The following PTPN2 variants were observed in gnomAD, a reference collection of about 807,000 sequenced individuals.
The protein encoded by PTPN2 is tyrosine-protein phosphatase non-receptor type 2.
In PTPN2, 19 loss-of-function variants were observed where a neutral mutation model predicts 57.3. The ratio of observed to expected loss-of-function variants is 0.33; its 90% CI spans 0.23 to 0.49. The LOEUF (loss-of-function observed/expected upper bound fraction) is 0.49. Among genes scored for constraint, PTPN2 ranks in the 20% least tolerant of loss-of-function variants. PTPN2 has a pLI of 0.99. For missense variants in PTPN2, 358 were observed against 501.1 expected (o/e 0.71, Z 2.73); for synonymous variants, 153 against 164.9 (o/e 0.93, Z 0.55).
At chr18:12,818,498 A>T (rs188702961) in intron 5 of PTPN2, among the ~76,000 whole-genome samples, 2 of 152,194 alleles carry the variant, frequency 1.3e-5, no homozygotes, top group African/African-American at 4.8e-5. Context: ...ATTCCTGATG[A>T]TCTGTATTTC....
rs114360919 is a variant in PTPN2, at chr18:12,808,114, C to T, written c.859-5963G>A. 3.6e-3 allele frequency among the ~76,000 whole-genome samples: 542 copies of T among 152,008 alleles called. 2 individuals carry two copies. The highest frequency in any genetic ancestry group is 0.012 in the African/African-American group (507 of 41,462). The stretch of plus-strand genomic sequence containing the variant: ...AGGAGGATCACTTGAGCCCAGGAGG[C>T]GGAGGCTACAGTGAGCGAGCCATGA... On this transcript the variant is annotated intron_variant, in intron 7 of 8. Coordinates refer to ENST00000309660, the MANE Select transcript of PTPN2 (RefSeq NM_002828.4).
intron 4 of PTPN2, among the ~76,000 whole-genome samples, chr18:12,826,434 A>G (rs918829727): frequency 6.6e-6 from 1 of 152,152 alleles, no homozygotes; most frequent in South Asian, 2.1e-4. Flanking sequence ...TTGAAATTTT[A>G]TAAAGCATTT....
In PTPN2 at chr18:12,819,311, C is replaced by A. The variant is rs562049685; in HGVS notation, c.496-1946G>T. 386 of 1,073,468 alleles carry A rather than the reference C, an allele frequency of 3.6e-4. No homozygotes were observed. In the African/African-American group the frequency reaches 5.7e-3, roughly 16 times the overall value. 66.5% of individuals were successfully genotyped at this position (1,073,468 alleles called of 1,614,324 possible). A position where few individuals can be genotyped will look rare whatever the true frequency, so the allele number is the denominator to read the frequency against. On this transcript the variant is annotated intron_variant, in intron 5 of 8. Transcript: ENST00000309660. Reference sequence around the variant, plus strand: ...AAAGCAATAAAAAATTTCTCCATTACAAATTAAAATGATCATGGTTTCTAC... The same window carrying A: ...AAAGCAATAAAAAATTTCTCCATTAAAAATTAAAATGATCATGGTTTCTAC...
intron 1 of PTPN2, among the ~76,000 whole-genome samples, chr18:12,869,833 A>G (rs886931530): frequency 6.6e-6 from 1 of 152,168 alleles, no homozygotes; most frequent in Non-Finnish European, 1.5e-5. Flanking sequence ...TATATGATGA[A>G]AAGTGTTCCC....
intron 2 of PTPN2, among the ~76,000 whole-genome samples, chr18:12,848,988 G>A (rs1241185243): frequency 6.6e-6 from 1 of 152,188 alleles, no homozygotes; most frequent in East Asian, 1.9e-4. Context: ...CTAGGACCTA[G>A]AGTATAAGGT....
chr18:12,840,556 G>A (rs763141192), intron 2 of PTPN2, among the ~76,000 whole-genome samples: 33 of 152,150 alleles, frequency 2.2e-4, no homozygotes, highest in Admixed American at 1.5e-3. Context: ...TGTGACACTC[G>A]TCACTGGGTC....
At chr18:12,870,342 C>CGT (rs1373916168) in intron 1 of PTPN2, among the ~76,000 whole-genome samples, 2,196 of 32,626 alleles carry the variant, frequency 0.067, 159 homozygotes, top group East Asian at 0.2. Context: ...TATATATATA[C>CGT]ATATATATGT....
chr18:12,883,288 G>A (rs1395320959), intron 1 of PTPN2, among the ~76,000 whole-genome samples: 1 of 152,208 alleles, frequency 6.6e-6, no homozygotes, highest in African/African-American at 2.4e-5. Flanking sequence ...AGAATGACAC[G>A]CTATCACTGG....
chr18:12,785,907 A>G, intron 9 of PTPN2: 1 of 1,351,810 alleles, frequency 7.4e-7, no homozygotes, highest in South Asian at 1.2e-5. Context: ...AGACGAACAT[A>G]GATGCACACA....
intron 3 of PTPN2, among the ~76,000 whole-genome samples, chr18:12,834,047 C>T (rs2042763195): frequency 6.6e-6 from 1 of 152,144 alleles, no homozygotes; most frequent in South Asian, 2.1e-4. Flanking sequence ...TACTAGGAGG[C>T]TGGGCACGGT....
intron 2 of PTPN2, among the ~76,000 whole-genome samples, chr18:12,853,701 G>A (rs189785393): frequency 1.3e-5 from 2 of 152,174 alleles, no homozygotes; most frequent in Admixed American, 1.3e-4. Context: ...AAGCCACTGA[G>A]GTATTAAAAA....
downstream of PTPN2, among the ~76,000 whole-genome samples, chr18:12,791,545 A>G (rs372661612): frequency 7.2e-5 from 11 of 152,296 alleles, no homozygotes; most frequent in East Asian, 1.7e-3. Flanking sequence ...ACCTCATTCA[A>G]TAAAAAGTCA....
At chr18:12,807,233 A>G (rs1304448596) in intron 7 of PTPN2, among the ~76,000 whole-genome samples, 1 of 152,130 alleles carries the variant, frequency 6.6e-6, no homozygotes, top group Non-Finnish European at 1.5e-5. Context: ...CCACACTGAG[A>G]TATCACCACA....
At chr18:12,844,110 G>A (rs2043138423) in intron 2 of PTPN2, 1 of 152,222 alleles carries the variant, frequency 6.6e-6, no homozygotes. Context: ...ATGTTGTTAC[G>A]TCAAGTTTCT....
Position 12,884,215 on chromosome 18 carries a change from A to G in PTPN2, c.-74T>C, listed in dbSNP as rs1043716519. On this transcript the variant is annotated 5_prime_UTR_variant, in exon 1 of 9. Coordinates refer to ENST00000309660, the MANE Select transcript of PTPN2 (RefSeq NM_002828.4). Reference sequence around the variant, plus strand: ...CTCAGGCCCCGCACGATCCGGGGAGAGCGCTGGCGCTGCGGCGCATGCGCG... The same window carrying G: ...CTCAGGCCCCGCACGATCCGGGGAGGGCGCTGGCGCTGCGGCGCATGCGCG... 4.1e-6 allele frequency: 5 copies of G among 1,232,772 alleles called. No individual in the cohort carries two copies. Among genetic ancestry groups the G allele is most frequent in the East Asian group, 3.1e-5 (1 of 32,614 alleles). 76.4% of individuals were successfully genotyped at this position (1,232,772 alleles called of 1,614,324 possible). A position where few individuals can be genotyped will look rare whatever the true frequency, so the allele number is the denominator to read the frequency against.
At chr18:12,815,383 C>G (rs572366020) in intron 6 of PTPN2, among the ~76,000 whole-genome samples, 109 of 151,542 alleles carry the variant, frequency 7.2e-4, no homozygotes, top group African/African-American at 2.6e-3. Context: ...CTGCACTCCA[C>G]CCTGGCAACA....
chr18:12,815,085 A>T (rs943350145), intron 6 of PTPN2, among the ~76,000 whole-genome samples: 14 of 137,124 alleles, frequency 1.0e-4, no homozygotes, highest in African/African-American at 3.1e-4. Context: ...CTCCATCTCA[A>T]AAATAAATAA....
intron 1 of PTPN2, among the ~76,000 whole-genome samples, chr18:12,876,811 C>T (rs1233686897): frequency 6.6e-6 from 1 of 152,226 alleles, no homozygotes; most frequent in Non-Finnish European, 1.5e-5. Context: ...CCTTTCAAGT[C>T]TGATCCCTGG....
intron 3 of PTPN2, among the ~76,000 whole-genome samples, chr18:12,835,375 CAT>C (rs937684921): frequency 3.5e-4 from 21 of 60,618 alleles, no homozygotes; most frequent in South Asian, 1.3e-3. Context: ...AACATGATCA[CAT>C]ATGTCTTTTT....
Sources: allele counts gnomAD v4.1 joint callset (sites outside exome capture counted in the v4.1 genomes callset), GRCh38; gene constraint gnomAD v4.1.1; transcripts MANE v1.5; gene names NCBI Gene and HGNC (gene_info 2026-07-23, HGNC 2026-07-21).